ERBB4: variants seen among roughly 807,000 people sequenced by gnomAD.
The protein encoded by ERBB4 is receptor tyrosine-protein kinase erbB-4.
ERBB4 carries 42 observed loss-of-function variants against 158.0 expected under a neutral mutation model. That is an observed-to-expected ratio of 0.27 (90% CI 0.21 to 0.34). ERBB4 has a LOEUF of 0.34. ERBB4 is among the 10% of genes least tolerant of loss of function. ERBB4 has a pLI of 1.00. For missense variants in ERBB4, 1,333 were observed against 1,624.1 expected, an observed-to-expected ratio of 0.82 and a Z score of 3.08; for synonymous variants, 583 against 558.7, an observed-to-expected ratio of 1.04 and a Z score of -0.61.
intron 1 of ERBB4, among the ~76,000 whole-genome samples, chr2:212,327,443 C>T (rs918159903): frequency 1.4e-4 from 21 of 151,908 alleles, no homozygotes; most frequent in African/African-American, 4.8e-4. Context: ...TAAGGATACT[C>T]TTGGAGACCA....
chr2:211,415,126 TTTTTTTTTG>T (rs2063357286), intron 25 of ERBB4, among the ~76,000 whole-genome samples: 1 of 128,866 alleles, frequency 7.8e-6, no homozygotes, highest in African/African-American at 2.9e-5. Context: ...TTTTTTTTTT[TTTTTTTTTG>T]AGACGGAGTC....
At chr2:212,512,499 TTTTG>T (rs375646124) in intron 1 of ERBB4, among the ~76,000 whole-genome samples, 173 of 152,258 alleles carry the variant, frequency 1.1e-3, no homozygotes, top group East Asian at 3.9e-3. Flanking sequence ...TTTGCATGGT[TTTTG>T]TTTGTTTGTT....
Position 212,284,880 on chromosome 2 carries a change from T to A in ERBB4, c.83-159977A>T, listed in dbSNP as rs77409935. ...GCTCTTTATGAATACTAAATAATTGTCCAGAAGTTCAGTAAGCCTCAGTGT... is the reference window on the plus strand; with the variant it reads ...GCTCTTTATGAATACTAAATAATTGACCAGAAGTTCAGTAAGCCTCAGTGT... On this transcript the variant is annotated intron_variant, in intron 1 of 27. Coordinates refer to ENST00000342788, the MANE Select transcript of ERBB4 (RefSeq NM_005235.3). 1.6e-4 allele frequency among the ~76,000 whole-genome samples: 24 copies of A among 152,242 alleles called. 1 individual carries two copies. The East Asian group carries it at 4.3e-3, about 27-fold the overall frequency.
intron 2 of ERBB4, among the ~76,000 whole-genome samples, chr2:212,083,696 G>A (rs2078514951): frequency 6.6e-6 from 1 of 151,688 alleles, no homozygotes; most frequent in Admixed American, 6.6e-5. Flanking sequence ...ACATAGGATT[G>A]CACAATCCCA....
intron 1 of ERBB4, among the ~76,000 whole-genome samples, chr2:212,329,890 C>G (rs1445356388): frequency 9.9e-5 from 15 of 152,054 alleles, no homozygotes; most frequent in Admixed American, 9.8e-4. Context: ...CAGATGACAA[C>G]TAACTTTAAG....
At chr2:211,875,096 G>A (rs1263367897) in intron 3 of ERBB4, among the ~76,000 whole-genome samples, 3 of 129,404 alleles carry the variant, frequency 2.3e-5, no homozygotes, top group Admixed American at 7.9e-5. Context: ...TGCAGATAAC[G>A]TTTTTTTTTT....
intron 1 of ERBB4, among the ~76,000 whole-genome samples, chr2:212,391,672 T>A (rs1489484983): frequency 8.5e-5 from 11 of 129,408 alleles, no homozygotes; most frequent in Non-Finnish European, 1.5e-4. Flanking sequence ...GTATTATATT[T>A]TATATATATT....
intron 2 of ERBB4, among the ~76,000 whole-genome samples, chr2:211,985,106 A>G (rs2081904874): frequency 6.6e-6 from 1 of 152,148 alleles, no homozygotes; most frequent in Admixed American, 6.5e-5. Flanking sequence ...ATGCTAACAT[A>G]CTCACTGACA....
chr2:211,676,027 T>C (rs1219756951), intron 13 of ERBB4, among the ~76,000 whole-genome samples: 1 of 152,076 alleles, frequency 6.6e-6, no homozygotes, highest in Non-Finnish European at 1.5e-5. Context: ...ACCACTATTA[T>C]TCCCAATTTT....
At chr2:211,830,516 G>A (rs1475456903) in intron 3 of ERBB4, among the ~76,000 whole-genome samples, 3 of 151,820 alleles carry the variant, frequency 2.0e-5, no homozygotes, top group Non-Finnish European at 4.4e-5. Context: ...TTATTTCTAT[G>A]TTTGATCTTT....
intron 20 of ERBB4, among the ~76,000 whole-genome samples, chr2:211,554,967 C>T (rs2067198573): frequency 6.6e-6 from 1 of 152,134 alleles, no homozygotes; most frequent in Non-Finnish European, 1.5e-5. Context: ...TTAAAAACTG[C>T]TTGCCCAACT....
intron 2 of ERBB4, among the ~76,000 whole-genome samples, chr2:212,054,061 C>G (rs1575571226): frequency 6.6e-6 from 1 of 152,160 alleles, no homozygotes; most frequent in South Asian, 2.1e-4. Context: ...TGTGCAGTAA[C>G]CTCCTTCCCC....
intron 3 of ERBB4, among the ~76,000 whole-genome samples, chr2:211,938,192 A>G (rs1269672961): frequency 6.6e-6 from 1 of 152,166 alleles, no homozygotes; most frequent in African/African-American, 2.4e-5. Context: ...TTATTTCCAG[A>G]ACTGCATTTA....
chr2:211,538,009 G>A (rs1226151217), intron 20 of ERBB4, among the ~76,000 whole-genome samples: 1 of 151,756 alleles, frequency 6.6e-6, no homozygotes, highest in African/African-American at 2.4e-5. Flanking sequence ...ATAATTTGAG[G>A]CCAACAGATA....
At chr2:212,153,085 T>C (rs1260651459) in intron 1 of ERBB4, among the ~76,000 whole-genome samples, 3 of 152,356 alleles carry the variant, frequency 2.0e-5, no homozygotes, top group African/African-American at 7.2e-5. Context: ...CTGAAGTTAC[T>C]GAATTTTGGG....
At position 211,903,378 on chromosome 2, in the gene ERBB4, T is replaced by A. The variant is rs570880877; in HGVS notation, c.421+44052A>T. The stretch of plus-strand genomic sequence containing the variant: ...CTTGACTTAATCCCTGGAAAATGAT[T>A]TTTGGGTGCAAGGCAGGCATGGAAA... On this transcript the variant is annotated intron_variant, in intron 3 of 27. Coordinates refer to ENST00000342788, the MANE Select transcript of ERBB4 (RefSeq NM_005235.3). Among the ~76,000 whole-genome samples, 10 of 152,178 alleles carry A rather than the reference T, an allele frequency of 6.6e-5. No individual in the cohort carries two copies. In the South Asian group the frequency reaches 1.0e-3, roughly 16 times the overall value.
chr2:212,442,870 T>C (rs1257043625), intron 1 of ERBB4, among the ~76,000 whole-genome samples: 1 of 152,128 alleles, frequency 6.6e-6, no homozygotes, highest in Non-Finnish European at 1.5e-5. Flanking sequence ...CATCAAGGAC[T>C]TGAAGTTGCA....
At chr2:212,154,484 A>T (rs963864464) in intron 1 of ERBB4, among the ~76,000 whole-genome samples, 13 of 152,164 alleles carry the variant, frequency 8.5e-5, no homozygotes, top group South Asian at 6.2e-4. Flanking sequence ...GAATCTATGT[A>T]TCACAGTATT....
chr2:212,041,770 T>C (rs1410254601), intron 2 of ERBB4, among the ~76,000 whole-genome samples: 1 of 152,090 alleles, frequency 6.6e-6, no homozygotes, highest in African/African-American at 2.4e-5. Flanking sequence ...TGTCCTTCAA[T>C]ATTTAACTTT....
Sources: allele counts gnomAD v4.1 joint callset (sites outside exome capture counted in the v4.1 genomes callset), GRCh38; gene constraint gnomAD v4.1.1; transcripts MANE v1.5; gene names NCBI Gene and HGNC (gene_info 2026-07-23, HGNC 2026-07-21).